TGM4: variants seen among roughly 807,000 people sequenced by gnomAD.
The protein encoded by TGM4 is transglutaminase 4.
A neutral mutation model predicts 76.3 loss-of-function variants in TGM4; 61 were observed. The ratio of observed to expected loss-of-function variants is 0.80; its 90% confidence interval spans 0.65 to 0.99. The LOEUF is 0.99. Ranked by LOEUF, TGM4 falls within the 50% of genes least tolerant of loss-of-function variation. The pLI is 0.00. For synonymous variants in TGM4, 337 were observed against 329.8 expected, an observed-to-expected ratio of 1.02 and a Z score of -0.24; for missense variants, 794 against 843.2, an observed-to-expected ratio of 0.94 and a Z score of 0.72.
rs564778931 is a variant in TGM4 at position 44,901,535 on chromosome 3, G to C, written c.669G>C (p.Glu223Asp). Residue 223 changes from glutamate (E) to aspartate (D), a missense_variant, in exon 7 of 14, where the codon GAG (glutamate) becomes GAC (aspartate). Glu to Asp is a conservative substitution (Grantham distance 45). Transcript: ENST00000296125. ...CRAMCAMMSF[E>D]KGQGVLIGNW... ...TACGTGTGTGGCAGATGAGCTTTGA[G>C]AAAGGCCAGGGCGTGCTCATTGGGA... 1 of 1,605,578 alleles carries C rather than the reference G, an allele frequency of 6.2e-7. No homozygotes were observed. Among genetic ancestry groups the C allele is most frequent in the Non-Finnish European group, 8.5e-7 (1 of 1,173,450 alleles).
At chr3:44,892,035 G>A (rs1031178722) in intron 4 of TGM4, among the ~76,000 whole-genome samples, 1 of 151,574 alleles carries the variant, frequency 6.6e-6, no homozygotes. Flanking sequence ...AAGGCAGGCG[G>A]AACACAGGGT....
chr3:44,907,667 G>A (rs1161849629), intron 10 of TGM4, among the ~76,000 whole-genome samples: 2 of 152,152 alleles, frequency 1.3e-5, no homozygotes. Context: ...CCCTAGCCAT[G>A]CTGCCTGCTG....
chr3:44,905,785 G>T (rs1266432630), intron 9 of TGM4, among the ~76,000 whole-genome samples: 2 of 151,978 alleles, frequency 1.3e-5, no homozygotes, highest in African/African-American at 4.8e-5. Context: ...GGGTGAGGGT[G>T]GTGGGAGGTG....
chr3:44,887,689 G>A lies in TGM4; in HGVS notation c.194G>A (p.Gly65Glu), dbSNP rs1311019047. The A allele has an allele frequency of 8.1e-6, 13 of 1,613,654 alleles. No individual in the cohort carries two copies. The highest frequency in any genetic ancestry group is 1.1e-5 in the Non-Finnish European group (13 of 1,179,776). The change falls in exon 3 of 14, where the codon GGG becomes GAG. Residue 65 changes from glycine to glutamate, a missense_variant and splice_region_variant. Physicochemically the swap from Gly to Glu is moderately conservative, Grantham distance 98 (BLOSUM62 -2). Coordinates refer to ENST00000296125, the MANE Select transcript of TGM4 (RefSeq NM_003241.4). ...YHQLKLEFST[G>E]PNPSIAKHTL... The stretch of plus-strand genomic sequence containing the variant: ...AATGTTTTCCTTTGGGTGTCTCCAG[G>A]GCCGAATCCTAGCATCGCCAAACAC...
Position 44,910,151 on chromosome 3 carries a change from G to A in TGM4, c.1389G>A (p.Glu463=), listed in dbSNP as rs377560672. The part of the protein sequence containing the change: ...HAFLLLSSER[E]HRRPVKENFL... ...TCCTCCTTCTCAGTTCTGAGAGGGA[G>A]CACAGACGACCTGTAAAAGAGAACT... The change falls in exon 11 of 14, where the codon GAG becomes GAA. Residue 463 remains glutamate, a synonymous_variant. Transcript: ENST00000296125. 8 of 1,614,094 alleles carry A rather than the reference G, an allele frequency of 5.0e-6. No individual in the cohort carries two copies. The African/African-American group carries it at 5.3e-5, about 11-fold the overall frequency.
intron 1 of TGM4, among the ~76,000 whole-genome samples, chr3:44,875,198 C>A (rs115292062): frequency 0.01 from 1,528 of 152,354 alleles, 31 homozygotes; most frequent in African/African-American, 0.034. Context: ...ATGCAGATTT[C>A]ATCAACTGTC....
chr3:44,878,724 C>T (rs561811142), intron 1 of TGM4, among the ~76,000 whole-genome samples: 68 of 152,116 alleles, frequency 4.5e-4, no homozygotes, highest in African/African-American at 1.6e-3. Context: ...TCAAGTGATC[C>T]GCCTGTCCTG....
Position 44,896,660 on chromosome 3 carries a change from T to C in TGM4, c.550-49T>C, listed in dbSNP as rs376469351. 8.8e-6 allele frequency: 14 copies of C among 1,584,936 alleles called. No individual in the cohort carries two copies. The African/African-American group carries it at 1.3e-4, about 15-fold the overall frequency. On this transcript the variant is annotated intron_variant, in intron 5 of 13. Coordinates refer to ENST00000296125, the MANE Select transcript of TGM4 (RefSeq NM_003241.4). ...AATTAGATGGTATGTGTTAAGTTTC[T>C]GACACAGGGCAAAGTCTTAACTGCC...
At chr3:44,908,374 G>GT (rs56777730) in intron 10 of TGM4, among the ~76,000 whole-genome samples, 6,127 of 149,918 alleles carry the variant, frequency 0.041, 343 homozygotes, top group African/African-American at 0.13. Context: ...GGTCAGGAGT[G>GT]TTTTTTTTTG....
In TGM4 at chr3:44,885,527, C is replaced by A. The variant is rs546645441; in HGVS notation, c.193+29C>A. On this transcript the variant is annotated intron_variant, in intron 2 of 13. Transcript: ENST00000296125. ...AAGCCTCGGGGCCCTACTCATGGGGCTTTGGGGAGGGATCACAAGTGTCTG... is the reference window on the plus strand; with the variant it reads ...AAGCCTCGGGGCCCTACTCATGGGGATTTGGGGAGGGATCACAAGTGTCTG... The A allele has an allele frequency of 3.8e-6, 6 of 1,595,270 alleles. No individual in the cohort carries two copies. In the South Asian group the frequency reaches 5.6e-5, roughly 15 times the overall value.
chr3:44,885,660 G>A (rs1699595749), intron 2 of TGM4, among the ~76,000 whole-genome samples, 162 bp downstream of exon 2: 1 of 152,166 alleles, frequency 6.6e-6, no homozygotes, highest in Non-Finnish European at 1.5e-5. Context: ...GGTGTGAAGA[G>A]AATAGAATGG....
Position 44,901,613 on chromosome 3 carries a change from T to C in TGM4, c.747T>C (p.Ser249=). 6.2e-7 allele frequency: 1 copy of C among 1,614,202 alleles called. No homozygotes were observed. Among genetic ancestry groups the C allele is most frequent in the African/African-American group, 1.3e-5 (1 of 75,068 alleles). The change falls in exon 7 of 14, where the codon AGT becomes AGC. Residue 249 remains serine, a synonymous_variant. Transcript: ENST00000296125. ...GGTAPYKWTG[S]APILQQYYNT... ...CAGCCCCATACAAGTGGACAGGCAG[T>C]GCCCCGATCCTGCAGCAGTACTACA...
At chr3:44,893,994 G>A (rs191465548) in intron 5 of TGM4, among the ~76,000 whole-genome samples, 138 of 45,326 alleles carry the variant, frequency 3.0e-3, no homozygotes, top group African/African-American at 3.7e-3. Flanking sequence ...CACCCCCCTC[G>A]GCTCTCTCCC....
Position 44,896,829 on chromosome 3 carries a change from A to G in TGM4, c.657+13A>G, listed in dbSNP as rs763251437. The G allele has an allele frequency of 5.6e-6, 9 of 1,610,622 alleles. No homozygotes were observed. The East Asian group carries it at 1.1e-4, about 20-fold the overall frequency. ...CATGTGTGCTATGGTAGGTATGGAA[A>G]GCCTGGGCTGATGCTGTCTTGTACT... On this transcript the variant is annotated intron_variant, in intron 6 of 13. Coordinates refer to ENST00000296125, the MANE Select transcript of TGM4 (RefSeq NM_003241.4).
intron 9 of TGM4, 24 bp downstream of exon 9, chr3:44,904,011 T>C (rs1699889610): frequency 6.3e-7 from 1 of 1,594,976 alleles, no homozygotes; most frequent in Admixed American, 1.7e-5. Flanking sequence ...AGGAAGGCGC[T>C]GGGCATCCAT....
intron 1 of TGM4, among the ~76,000 whole-genome samples, chr3:44,879,309 T>A (rs9798982): frequency 0.45 from 63,639 of 142,696 alleles, 15,595 homozygotes; most frequent in East Asian, 0.92. Flanking sequence ...TTAATTAATT[T>A]ATTTATTTAT....
intron 10 of TGM4, among the ~76,000 whole-genome samples, 161 bp from the exon 11 acceptor site, chr3:44,909,929 G>T (rs1294432062): frequency 6.6e-6 from 1 of 152,166 alleles, no homozygotes; most frequent in Non-Finnish European, 1.5e-5. Flanking sequence ...GCTTAGGAAT[G>T]GGGATTTGAA....
chr3:44,880,708 T>A (rs758660589), intron 1 of TGM4, among the ~76,000 whole-genome samples: 1 of 152,212 alleles, frequency 6.6e-6, no homozygotes, highest in Non-Finnish European at 1.5e-5. Flanking sequence ...TTGTGACATG[T>A]TTTTTCTCTG....
intron 6 of TGM4, 64 bp downstream of exon 6, chr3:44,896,880 T>C (rs1204492687): frequency 7.1e-7 from 1 of 1,415,974 alleles, no homozygotes; most frequent in Non-Finnish European, 1.0e-6. Context: ...CTTTTTCTGT[T>C]TTTCCTCATC....
Sources: allele counts gnomAD v4.1 joint callset (sites outside exome capture counted in the v4.1 genomes callset), GRCh38; gene constraint gnomAD v4.1.1; transcripts MANE v1.5; gene names NCBI Gene and HGNC (gene_info 2026-07-23, HGNC 2026-07-21).